The following RRM2 variants were observed in gnomAD, a reference collection of about 807,000 sequenced individuals.
The protein encoded by RRM2 is ribonucleoside-diphosphate reductase subunit M2.
In RRM2, 6 loss-of-function variants were observed where a neutral mutation model predicts 45.9. That is an observed-to-expected ratio of 0.13 (90% CI 0.07 to 0.26). The LOEUF is 0.26. Among genes scored for constraint, RRM2 ranks in the 10% least tolerant of loss-of-function variants. The pLI is 1.00. For synonymous variants in RRM2, 177 were observed against 173.0 expected (o/e 1.02, Z -0.18); for missense variants, 343 against 489.5 (o/e 0.70, Z 2.82).
intron 5 of RRM2, among the ~76,000 whole-genome samples, chr2:10,126,321 TC>T (rs1214324476): frequency 3.3e-5 from 5 of 151,818 alleles, no homozygotes; most frequent in Non-Finnish European, 7.4e-5. Context: ...GTAAGGGAGA[TC>T]CAGTTAACTG....
chr2:10,210,571 A>T (rs747459143), exon 4 of RRM2: 1 of 1,366,102 alleles, frequency 7.3e-7, no homozygotes, highest in Non-Finnish European at 9.8e-7. Context: ...TGGACCCACC[A>T]TTCTCAGACC....
At chr2:10,135,012 A>G (rs1255551847), downstream of RRM2, among the ~76,000 whole-genome samples, 3 of 152,258 alleles carry the variant, frequency 2.0e-5, no homozygotes, top group African/African-American at 7.2e-5. Flanking sequence ...GAATGTTTCA[A>G]CGTAAGCCAA....
intron 3 of RRM2, among the ~76,000 whole-genome samples, chr2:10,176,037 A>G (rs1300496853): frequency 6.6e-6 from 1 of 152,142 alleles, no homozygotes; most frequent in Non-Finnish European, 1.5e-5. Flanking sequence ...AGCATGTCTG[A>G]ATTTCTTTCC....
intron 3 of RRM2, among the ~76,000 whole-genome samples, chr2:10,165,681 G>A (rs1038894377): frequency 2.6e-5 from 4 of 152,208 alleles, no homozygotes; most frequent in East Asian, 1.9e-4. Context: ...TGACCAGGGC[G>A]ATGAATGACC....
intron 3 of RRM2, among the ~76,000 whole-genome samples, chr2:10,159,005 G>A (rs1407357740): frequency 6.6e-6 from 1 of 152,144 alleles, no homozygotes; most frequent in Non-Finnish European, 1.5e-5. Flanking sequence ...TCGGTCCTTT[G>A]GACGTCTTCT....
intron 3 of RRM2, 91 bp downstream of exon 3, chr2:10,123,621 T>A: frequency 1.3e-6 from 2 of 1,514,406 alleles, no homozygotes; most frequent in South Asian, 2.4e-5. Context: ...CAAGGGGGGC[T>A]AACTGTGGGG....
chr2:10,165,537 C>T (rs1408851529), intron 3 of RRM2, among the ~76,000 whole-genome samples: 1 of 152,236 alleles, frequency 6.6e-6, no homozygotes, highest in Non-Finnish European at 1.5e-5. Flanking sequence ...GTTTCTAAGG[C>T]TTCCGCCGCT....
intron 3 of RRM2, among the ~76,000 whole-genome samples, chr2:10,175,857 C>G (rs990090836): frequency 3.9e-5 from 6 of 152,154 alleles, no homozygotes; most frequent in Non-Finnish European, 7.3e-5. Flanking sequence ...CCACCTGCCT[C>G]AGCCTCCCAA....
At chr2:10,173,452 C>T (rs1251983569) in intron 3 of RRM2, among the ~76,000 whole-genome samples, 1 of 152,204 alleles carries the variant, frequency 6.6e-6, no homozygotes, top group Non-Finnish European at 1.5e-5. Context: ...TCATCTGGCT[C>T]TAGGGATGAC....
chr2:10,179,094 C>T (rs759657406), intron 3 of RRM2, among the ~76,000 whole-genome samples: 5 of 152,158 alleles, frequency 3.3e-5, no homozygotes, highest in Admixed American at 2.0e-4. Context: ...TTATTCTTTT[C>T]GTTACTGAGT....
chr2:10,155,768 A>G (rs1663409484), intron 3 of RRM2: 2 of 152,264 alleles, frequency 1.3e-5, no homozygotes, highest in Admixed American at 6.5e-5. Context: ...TTCCTCCAGA[A>G]CAGTGGCAAA....
At chr2:10,190,322 ATGG>A (rs559694860) in intron 3 of RRM2, among the ~76,000 whole-genome samples, 952 of 80,694 alleles carry the variant, frequency 0.012, 6 homozygotes, top group African/African-American at 0.035. Flanking sequence ...TGATGATGTG[ATGG>A]TGGTGGTGAT....
At chr2:10,180,923 T>G (rs1043994008) in intron 3 of RRM2, among the ~76,000 whole-genome samples, 1 of 152,050 alleles carries the variant, frequency 6.6e-6, no homozygotes, top group African/African-American at 2.4e-5. Context: ...CGCACCACCA[T>G]GTCTGGCTGA....
chr2:10,196,758 T>C (rs1347450946), intron 3 of RRM2, among the ~76,000 whole-genome samples: 1 of 152,140 alleles, frequency 6.6e-6, no homozygotes, highest in African/African-American at 2.4e-5. Context: ...TGTGGCCAGA[T>C]GCCAAGCCAG....
At chr2:10,200,832 A>G (rs556134902) in intron 3 of RRM2, among the ~76,000 whole-genome samples, 6 of 152,202 alleles carry the variant, frequency 3.9e-5, no homozygotes, top group African/African-American at 1.4e-4. Flanking sequence ...AGTTCTTCCA[A>G]TTGTGTCCTG....
intron 3 of RRM2, among the ~76,000 whole-genome samples, chr2:10,201,712 A>T (rs765843768): frequency 2.0e-4 from 31 of 152,378 alleles, no homozygotes; most frequent in Middle Eastern, 6.8e-3. Context: ...CGTGGCACAC[A>T]ACAATTTTAA....
intron 3 of RRM2, among the ~76,000 whole-genome samples, chr2:10,144,623 A>C (rs1245707342): frequency 6.6e-6 from 1 of 152,198 alleles, no homozygotes; most frequent in Admixed American, 6.5e-5. Context: ...CCTATTTTTA[A>C]TAGCCAAGTT....
intron 3 of RRM2, among the ~76,000 whole-genome samples, chr2:10,196,605 G>A (rs924193274): frequency 1.3e-5 from 2 of 152,208 alleles, no homozygotes; most frequent in Admixed American, 6.5e-5. Flanking sequence ...AACCCTCTGT[G>A]TGTGGATCCC....
At position 10,142,087 on chromosome 2, in the gene RRM2, G is replaced by T. The variant is rs534190746; in HGVS notation, n.361+133G>T. 2.5e-5 allele frequency: 39 copies of T among 1,590,346 alleles called. No homozygotes were observed. The East Asian group carries it at 8.4e-4, about 34-fold the overall frequency. On this transcript the variant is annotated intron_variant and non_coding_transcript_variant, in intron 2 of 3. Coordinates refer to the RRM2 transcript ENST00000381786. ...GGGATCGACCACGTGGTTAGGGGAG[G>T]AAAGCATGTTTCAGGCGGAGGGTGG... is the stretch of plus-strand genomic sequence containing the variant.
Sources: gnomAD v4.1 joint callset for allele counts (sites outside exome capture counted in the v4.1 genomes callset) on GRCh38, gnomAD v4.1.1 for gene constraint, MANE v1.5 for transcripts, NCBI Gene and HGNC (gene_info 2026-07-23, HGNC 2026-07-21) for gene names.